NAA50: variants seen among roughly 807,000 people sequenced by gnomAD.
NAA50 encodes the protein N-alpha-acetyltransferase 50.
Under a neutral mutation model 20.7 loss-of-function variants are expected in NAA50, and 7 were observed. The observed-to-expected ratio is 0.34, with a 90% CI of 0.19 to 0.63. The LOEUF is 0.63. NAA50 is among the 30% of genes least tolerant of loss of function. NAA50 has a pLI of 0.75. For missense variants in NAA50, 111 were observed against 199.1 expected (o/e 0.56, Z 2.66); for synonymous variants, 54 against 70.6 (o/e 0.77, Z 1.18).
chr3:113,732,725 C>A (rs953233034), intron 1 of NAA50, among the ~76,000 whole-genome samples: 2 of 152,184 alleles, frequency 1.3e-5, no homozygotes, highest in African/African-American at 4.8e-5. Context: ...TCTAACTTAG[C>A]TCACATGCTG....
chr3:113,746,071 C>A lies in NAA50; in HGVS notation c.-122G>T, dbSNP rs1447915482. 9 of 1,367,736 alleles carry A rather than the reference C, an allele frequency of 6.6e-6. No homozygotes were observed. Among genetic ancestry groups the A allele is most frequent in the Non-Finnish European group, 9.0e-6 (9 of 1,004,110 alleles). 84.7% of individuals were successfully genotyped at this position (1,367,736 alleles called of 1,614,324 possible). A position where few individuals can be genotyped will look rare whatever the true frequency, so the allele number is the denominator to read the frequency against. ...CCGCAAGCCGGCCTCCTAGCCTGGGCAGGGAGCTGTGCGAGCAACGAAGGC... is the reference window on the plus strand; with the variant it reads ...CCGCAAGCCGGCCTCCTAGCCTGGGAAGGGAGCTGTGCGAGCAACGAAGGC... On this transcript the variant is annotated 5_prime_UTR_variant, in exon 1 of 5. Coordinates refer to ENST00000240922, the MANE Select transcript of NAA50 (RefSeq NM_025146.4).
rs1708161887 is a variant in NAA50 at position 113,723,549 on chromosome 3, GGAAAACATAAAGATATAA to G, written c.146-26_146-9del. The stretch of plus-strand genomic sequence containing the variant: ...CAATATCATTGAAATAGGCTGCCAA[GGAAAACATAAAGATATAA>G]TGTTGAACAGACAGAATAACACATT... On this transcript the variant is annotated splice_polypyrimidine_tract_variant and intron_variant, in intron 2 of 4. Coordinates refer to ENST00000240922, the MANE Select transcript of NAA50 (RefSeq NM_025146.4). The G allele has an allele frequency of 6.3e-7, 1 of 1,593,072 alleles. No individual in the cohort carries two copies. Among genetic ancestry groups the G allele is most frequent in the African/African-American group, 1.4e-5 (1 of 73,662 alleles).
Position 113,728,505 on chromosome 3 carries a change from C to A in NAA50, c.9-4410G>T, listed in dbSNP as rs114369910. On this transcript the variant is annotated intron_variant, in intron 1 of 4. Transcript: ENST00000240922. The stretch of plus-strand genomic sequence containing the variant: ...ACGACTAGCTTATCCTGTGGAAGGG[C>A]AAGAGATGCAGTCTAATAAAACATG... Among the ~76,000 whole-genome samples, 265 of 152,162 alleles carry A rather than the reference C, an allele frequency of 1.7e-3. 3 individuals carry two copies. Among genetic ancestry groups the A allele is most frequent in the African/African-American group, 6.1e-3 (252 of 41,518 alleles).
intron 1 of NAA50, among the ~76,000 whole-genome samples, chr3:113,726,695 G>A (rs1189295789): frequency 1.3e-5 from 2 of 149,750 alleles, no homozygotes; most frequent in Admixed American, 6.7e-5. Context: ...AGTGAGCCAA[G>A]ATCGCACCAC....
At chr3:113,740,351 G>A (rs1328525449) in intron 1 of NAA50, among the ~76,000 whole-genome samples, 14 of 151,996 alleles carry the variant, frequency 9.2e-5, no homozygotes, top group Non-Finnish European at 1.8e-4. Context: ...ACATAAAAAC[G>A]GACCAATAAC....
chr3:113,728,894 C>T (rs1297131989), intron 1 of NAA50, among the ~76,000 whole-genome samples: 1 of 152,200 alleles, frequency 6.6e-6, no homozygotes, highest in Non-Finnish European at 1.5e-5. Context: ...CAATTGATGG[C>T]CTCTCCATCC....
chr3:113,727,604 C>T (rs1026654628), intron 1 of NAA50, among the ~76,000 whole-genome samples: 9 of 150,860 alleles, frequency 6.0e-5, no homozygotes, highest in Non-Finnish European at 8.8e-5. Context: ...GCTTAATCTT[C>T]CCCTAACTAA....
intron 1 of NAA50, among the ~76,000 whole-genome samples, chr3:113,741,997 T>C (rs1326659068): frequency 6.6e-6 from 1 of 152,172 alleles, no homozygotes; most frequent in Non-Finnish European, 1.5e-5. Flanking sequence ...TATTTTTCTT[T>C]TATATTAGAG....
At chr3:113,745,115 A>G (rs1489189650) in intron 1 of NAA50, among the ~76,000 whole-genome samples, 1 of 152,238 alleles carries the variant, frequency 6.6e-6, no homozygotes, top group African/African-American at 2.4e-5. Context: ...CATTAAAACT[A>G]TACAACTTAA....
chr3:113,722,860 C>T (rs909892373), intron 4 of NAA50, 46 bp downstream of exon 4: 1 of 1,472,496 alleles, frequency 6.8e-7, no homozygotes, highest in African/African-American at 1.4e-5. Context: ...ATTTCTCCTG[C>T]CAATTAAACC....
At chr3:113,731,191 T>C (rs1446941482) in intron 1 of NAA50, among the ~76,000 whole-genome samples, 2 of 152,204 alleles carry the variant, frequency 1.3e-5, no homozygotes. Flanking sequence ...AAAACTGGTT[T>C]TTCTTGAGTT....
rs1219404388 is a variant in NAA50, at chr3:113,718,993, T to C, written c.*2767A>G. ...GACATTTACAGATATCACAGATCAC[T>C]ACCAGAACATCACATAAGTTTATTT... On this transcript the variant is annotated 3_prime_UTR_variant, in exon 5 of 5. Coordinates refer to ENST00000240922, the MANE Select transcript of NAA50 (RefSeq NM_025146.4). The C allele has an allele frequency of 1.3e-5, 2 of 152,692 alleles. No homozygotes were observed. The highest frequency in any genetic ancestry group is 2.9e-5 in the Non-Finnish European group (2 of 68,032). The allele number at this position is 152,692 out of a possible 1,614,324, so 9.5% of individuals were successfully genotyped here.
intron 1 of NAA50, chr3:113,740,849 T>C (rs1553706385): frequency 3.5e-6 from 1 of 287,672 alleles, no homozygotes; most frequent in Non-Finnish European, 7.0e-6. Context: ...TCTGTTTCTA[T>C]GTTTACTAAT....
chr3:113,722,040 C>CAA (rs1307729250), intron 4 of NAA50, 103 bp from the exon 5 acceptor site: 1 of 1,050,542 alleles, frequency 9.5e-7, no homozygotes, highest in Non-Finnish European at 1.4e-6. Context: ...ATTCTCTTTA[C>CAA]AACTACCAGT....
Position 113,723,526 on chromosome 3 carries a change from A to G in NAA50, c.161T>C (p.Ile54Thr). ...ELAKLAYFND[I>T]AVGAVCCRVD... Reference sequence around the variant, plus strand: ...CCTACAGCATACTGCACCTACAGCAATATCATTGAAATAGGCTGCCAAGGA... The same window carrying G: ...CCTACAGCATACTGCACCTACAGCAGTATCATTGAAATAGGCTGCCAAGGA... Residue 54 changes from isoleucine (I) to threonine (T), a missense_variant, in exon 3 of 5, where the codon ATT becomes ACT. Physicochemically the swap from Ile to Thr is moderately conservative, Grantham distance 89 (BLOSUM62 -1). Coordinates refer to ENST00000240922, the MANE Select transcript of NAA50 (RefSeq NM_025146.4). 2 of 1,605,324 alleles carry G rather than the reference A, an allele frequency of 1.2e-6. No individual in the cohort carries two copies. Among genetic ancestry groups the G allele is most frequent in the Non-Finnish European group, 1.7e-6 (2 of 1,176,530 alleles).
chr3:113,729,333 C>T (rs1442517392), intron 1 of NAA50, among the ~76,000 whole-genome samples: 1 of 152,152 alleles, frequency 6.6e-6, no homozygotes, highest in Non-Finnish European at 1.5e-5. Flanking sequence ...GTTATCTTGG[C>T]CTCAAAGAAA....
chr3:113,733,853 CAAAAAAAA>C (rs58431115), intron 1 of NAA50, among the ~76,000 whole-genome samples: 5 of 68,488 alleles, frequency 7.3e-5, no homozygotes, highest in South Asian at 1.3e-3. Flanking sequence ...ACTCTGTCTC[CAAAAAAAA>C]AAAAAAAAAA....
intron 1 of NAA50, among the ~76,000 whole-genome samples, chr3:113,741,983 C>G (rs533017742): frequency 3.9e-5 from 6 of 151,996 alleles, no homozygotes; most frequent in Non-Finnish European, 4.4e-5. Flanking sequence ...AATTACTTCC[C>G]TTTTATTTTT....
chr3:113,745,740 G>C, intron 1 of NAA50: 1 of 589,256 alleles, frequency 1.7e-6, no homozygotes, highest in South Asian at 2.3e-5. Context: ...CCCGGGTCTT[G>C]CCTCCGCTGG....
Sources: allele counts gnomAD v4.1 joint callset (sites outside exome capture counted in the v4.1 genomes callset), GRCh38; gene constraint gnomAD v4.1.1; transcripts MANE v1.5; gene names NCBI Gene and HGNC (gene_info 2026-07-23, HGNC 2026-07-21).